The following SERHL2 variants were observed in gnomAD, a reference collection of about 807,000 sequenced individuals.
SERHL2 encodes serine hydrolase like 2.
Under a neutral mutation model 25.5 loss-of-function variants are expected in SERHL2, and 29 were observed. The observed-to-expected ratio is 1.14, with a 90% CI of 0.85 to 1.55. The LOEUF (loss-of-function observed/expected upper bound fraction) is 1.55, where lower values mean the gene tolerates loss of function less well. Among genes scored for constraint, SERHL2 ranks in the 40% most tolerant of loss-of-function variants. The pLI is 0.00. For missense variants in SERHL2, 240 were observed against 252.3 expected (o/e 0.95, Z 0.33); for synonymous variants, 95 against 103.5 (o/e 0.92, Z 0.50).
intron 7 of SERHL2, 113 bp from the exon 8 acceptor site, chr22:42,560,071 CAA>C: frequency 1.3e-6 from 1 of 764,712 alleles, no homozygotes; most frequent in Non-Finnish European, 2.3e-6. Context: ...CTTGTCCTCC[CAA>C]AGTGCTGGGA....
chr22:42,563,266 T>A (rs1922923528), intron 8 of SERHL2: 1 of 187,794 alleles, frequency 5.3e-6, no homozygotes, highest in South Asian at 6.6e-5. Context: ...TGCAGTGGCG[T>A]GACCATGGCT....
At chr22:42,559,788 C>T (rs1569274677) in intron 7 of SERHL2, among the ~76,000 whole-genome samples, 2 of 151,714 alleles carry the variant, frequency 1.3e-5, no homozygotes, top group Admixed American at 6.6e-5. Flanking sequence ...CCTTTTGCTG[C>T]CCTTGTCTCC....
rs910677050 is a variant in SERHL2, at chr22:42,559,799, A to AT, written c.534-380dup. On this transcript the variant is annotated intron_variant, in intron 7 of 11. Coordinates refer to ENST00000327678, the MANE Select transcript of SERHL2 (RefSeq NM_014509.5). ...CCTCCCTTTTGCTGCCCTTGTCTCC[A>AT]TTTTTTTGTTGTTGTTGTGTTTTGT... 9.9e-5 allele frequency among the ~76,000 whole-genome samples: 15 copies of AT among 151,556 alleles called. 1 individual carries two copies. Among genetic ancestry groups the AT allele is most frequent in the African/African-American group, 1.5e-4 (6 of 41,274 alleles).
chr22:42,573,242 G>GGTT (rs1569286417), intron 11 of SERHL2: 1 of 141,520 alleles, frequency 7.1e-6, no homozygotes. Flanking sequence ...TTCCTGTCTG[G>GGTT]CTTTTTTTTT....
At position 42,554,252 on chromosome 22, in the gene SERHL2, AG is replaced by A. The variant is rs902976648; in HGVS notation, c.22+212del. On this transcript the variant is annotated intron_variant, in intron 1 of 11. Coordinates refer to ENST00000327678, the MANE Select transcript of SERHL2 (RefSeq NM_014509.5). The stretch of plus-strand genomic sequence containing the variant: ...GCCGCACGTGGCCTCCCAGGGTTCC[AG>A]GAGCCCCTGAGTTAGCCGAGCGTGC... Among the ~76,000 whole-genome samples, 113 of 152,186 alleles carry A rather than the reference AG, an allele frequency of 7.4e-4. 2 individuals carry two copies. The highest frequency in any genetic ancestry group is 7.2e-3 in the Admixed American group (110 of 15,282).
chr22:42,559,750 G>C (rs956645283), intron 7 of SERHL2, among the ~76,000 whole-genome samples: 2 of 151,774 alleles, frequency 1.3e-5, no homozygotes, highest in African/African-American at 4.8e-5. Context: ...AAAATCACGA[G>C]ACACATGCAC....
chr22:42,570,545 C>T (rs1423913073), intron 9 of SERHL2, among the ~76,000 whole-genome samples: 1 of 152,218 alleles, frequency 6.6e-6, no homozygotes, highest in Non-Finnish European at 1.5e-5. Flanking sequence ...CTTCGTGTCA[C>T]ACCTACAGCA....
At chr22:42,570,880 A>G (rs1924075918) in intron 9 of SERHL2, among the ~76,000 whole-genome samples, 1 of 152,030 alleles carries the variant, frequency 6.6e-6, no homozygotes, top group Non-Finnish European at 1.5e-5. Flanking sequence ...AAATGGAGTC[A>G]GGCTGGGTAG....
Position 42,572,637 on chromosome 22 carries a change from C to A in SERHL2, c.825+108C>A. 8 of 1,476,200 alleles carry A rather than the reference C, an allele frequency of 5.4e-6. 1 individual carries two copies. Among genetic ancestry groups the A allele is most frequent in the Non-Finnish European group, 7.2e-6 (8 of 1,107,830 alleles). The allele number at this position is 1,476,200 out of a possible 1,614,324, so 91.4% of individuals were successfully genotyped here. ...GAAGACCCTGGGTCTGCCCCCAGGC[C>A]CAACAAGTGACCACCAGGATCTATC... is the stretch of plus-strand genomic sequence containing the variant. On this transcript the variant is annotated intron_variant, in intron 11 of 11. Transcript: ENST00000327678.
intron 8 of SERHL2, among the ~76,000 whole-genome samples, chr22:42,561,533 G>A (rs1922679336): frequency 6.6e-6 from 1 of 151,720 alleles, no homozygotes; most frequent in Admixed American, 6.6e-5. Context: ...CCGGGAGGGA[G>A]GCTATGGGCT....
chr22:42,560,965 G>A (rs772145593), intron 8 of SERHL2, among the ~76,000 whole-genome samples: 6 of 151,742 alleles, frequency 4.0e-5, no homozygotes, highest in Admixed American at 1.3e-4. Flanking sequence ...AGCAAGAGCC[G>A]ACTGTCCCTC....
intron 11 of SERHL2, 108 bp downstream of exon 11, chr22:42,572,637 CCAA>C (rs1416706381): frequency 6.8e-7 from 1 of 1,476,084 alleles, no homozygotes; most frequent in Admixed American, 2.3e-5. Flanking sequence ...GCCCCCAGGC[CCAA>C]CAAGTGACCA....
In SERHL2 at chr22:42,573,049, G is replaced by A. The variant is rs764286759; in HGVS notation, c.825+520G>A. On this transcript the variant is annotated intron_variant, in intron 11 of 11. Transcript: ENST00000327678. ...CCCTCTGCACCCATCATGACAGTGG[G>A]CGTGCTGGCTGTAGGCAGAGGTGGC... is the stretch of plus-strand genomic sequence containing the variant. 3.3e-5 allele frequency among the ~76,000 whole-genome samples: 5 copies of A among 151,804 alleles called. No homozygotes were observed. The South Asian group carries it at 6.2e-4, about 19-fold the overall frequency.
At chr22:42,566,979 T>C (rs1923477301) in intron 9 of SERHL2, among the ~76,000 whole-genome samples, 1 of 151,864 alleles carries the variant, frequency 6.6e-6, no homozygotes, top group African/African-American at 2.4e-5. Flanking sequence ...TCAGCTGGTT[T>C]ATGAGCAGCT....
chr22:42,568,692 C>T (rs149078521), intron 9 of SERHL2, among the ~76,000 whole-genome samples: 4 of 152,112 alleles, frequency 2.6e-5, no homozygotes, highest in East Asian at 1.9e-4. Flanking sequence ...TAAGTTTCTG[C>T]AGTTGCTCAT....
rs758793663 is a variant in SERHL2 at position 42,554,015 on chromosome 22, A to G, written c.-6A>G. ...GTGACAGCAGCGCATTCGCGGGACGAGAGCGATGAGTGAGAACGCCGCACC... is the reference window on the plus strand; with the variant it reads ...GTGACAGCAGCGCATTCGCGGGACGGGAGCGATGAGTGAGAACGCCGCACC... On this transcript the variant is annotated 5_prime_UTR_variant, in exon 1 of 12. Transcript: ENST00000327678. The G allele has an allele frequency of 6.2e-7, 1 of 1,613,598 alleles. No individual in the cohort carries two copies. The highest frequency in any genetic ancestry group is 1.7e-5 in the Admixed American group (1 of 60,000).
chr22:42,554,541 C>T (rs138907604), intron 1 of SERHL2, among the ~76,000 whole-genome samples: 1,542 of 152,250 alleles, frequency 0.01, 28 homozygotes, highest in African/African-American at 0.036. Context: ...GCTTAGGAAA[C>T]GGGCTGTTTC....
In SERHL2 at chr22:42,569,566, T is replaced by G. The variant is rs539960472; in HGVS notation, c.649-1555T>G. ...TGAGTGACTGTGCCCAGTCTAATTT[T>G]CATATTTTTAGTAGAGACAGGGTCA... On this transcript the variant is annotated intron_variant, in intron 9 of 11. Coordinates refer to ENST00000327678, the MANE Select transcript of SERHL2 (RefSeq NM_014509.5). The G allele has an allele frequency of 2.6e-5, 4 of 151,986 alleles. No individual in the cohort carries two copies. In the South Asian group the frequency reaches 8.3e-4, roughly 32 times the overall value. The allele number at this position is 151,986 out of a possible 1,614,324, so 9.4% of individuals were successfully genotyped here. A position where few individuals can be genotyped will look rare whatever the true frequency, so the allele number is the denominator to read the frequency against.
chr22:42,569,269 T>C (rs1923829911), intron 9 of SERHL2: 1 of 151,720 alleles, frequency 6.6e-6, no homozygotes, highest in African/African-American at 2.4e-5. Flanking sequence ...TATTTATTTA[T>C]TTATTTAGAG....
Sources: allele counts gnomAD v4.1 joint callset (sites outside exome capture counted in the v4.1 genomes callset), GRCh38; gene constraint gnomAD v4.1.1; transcripts MANE v1.5; gene names NCBI Gene and HGNC (gene_info 2026-07-23, HGNC 2026-07-21).